The following PDE7B variants were observed in gnomAD, a reference collection of about 807,000 sequenced individuals.
PDE7B encodes the protein 3',5'-cyclic-AMP phosphodiesterase 7B.
A neutral mutation model predicts 56.2 loss-of-function variants in PDE7B; 29 were observed. The observed-to-expected ratio is 0.52, with a 90% CI of 0.38 to 0.70. The LOEUF is 0.70. Ranked by LOEUF, PDE7B falls within the 30% of genes least tolerant of loss-of-function variation. The pLI, the probability that PDE7B is intolerant of heterozygous loss-of-function variation, is 0.00. For missense variants in PDE7B, 490 were observed against 565.0 expected, an observed-to-expected ratio of 0.87 and a Z score of 1.35; for synonymous variants, 197 against 196.9, an observed-to-expected ratio of 1.00 and a Z score of 0.00.
At chr6:136,094,340 CCCTCACACTCCTGCA>C (rs1244946335) in intron 2 of PDE7B, 1 of 152,664 alleles carries the variant, frequency 6.6e-6, no homozygotes, top group Non-Finnish European at 1.5e-5. Flanking sequence ...TGCCCTCATC[CCCTCACACTCCTGCA>C]CCTCACTCTC....
chr6:135,874,319 CTG>C (rs1373565203), intron 1 of PDE7B, among the ~76,000 whole-genome samples: 4 of 152,138 alleles, frequency 2.6e-5, no homozygotes, highest in Non-Finnish European at 5.9e-5. Flanking sequence ...GTGGCTTACT[CTG>C]TTGCTGAGTT....
chr6:135,931,807 T>A (rs1484183086), intron 1 of PDE7B, among the ~76,000 whole-genome samples: 1 of 152,186 alleles, frequency 6.6e-6, no homozygotes, highest in African/African-American at 2.4e-5. Flanking sequence ...TGTGTGTACA[T>A]GTGTATGGGG....
At chr6:135,994,469 A>C (rs1345361041) in intron 2 of PDE7B, among the ~76,000 whole-genome samples, 3 of 152,188 alleles carry the variant, frequency 2.0e-5, no homozygotes, top group African/African-American at 7.2e-5. Flanking sequence ...GGAAATATTT[A>C]ATTATTAATT....
rs1416517570 is a variant in PDE7B at position 135,928,497 on chromosome 6, A to T, written c.22-18967A>T. Among the ~76,000 whole-genome samples, 175 of 103,754 alleles carry T rather than the reference A, an allele frequency of 1.7e-3. 4 individuals are homozygous for T. The highest frequency in any genetic ancestry group is 6.6e-3 in the African/African-American group (162 of 24,682). The allele number at this position is 103,754 out of a possible 152,430, so 68.1% of individuals were successfully genotyped here. A position where few individuals can be genotyped will look rare whatever the true frequency, so the allele number is the denominator to read the frequency against. Reference sequence around the variant, plus strand: ...TATATATATATTTATTTATATATATATATTTATATATATATATTTATTTAT... The same window carrying T: ...TATATATATATTTATTTATATATATTTATTTATATATATATATTTATTTAT... On this transcript the variant is annotated intron_variant, in intron 1 of 12. Coordinates refer to ENST00000308191, the MANE Select transcript of PDE7B (RefSeq NM_018945.4).
At chr6:135,905,653 G>A (rs185493932) in intron 1 of PDE7B, among the ~76,000 whole-genome samples, 1 of 152,164 alleles carries the variant, frequency 6.6e-6, no homozygotes, top group African/African-American at 2.4e-5. Context: ...TGGAAGCCTA[G>A]TACCTGAATG....
At chr6:135,879,572 A>T (rs1583731563) in intron 1 of PDE7B, among the ~76,000 whole-genome samples, 1 of 152,264 alleles carries the variant, frequency 6.6e-6, no homozygotes, top group Non-Finnish European at 1.5e-5. Flanking sequence ...ATATTTAACC[A>T]ATACTCGTCT....
chr6:135,903,618 T>C (rs2128192268), intron 1 of PDE7B, among the ~76,000 whole-genome samples: 1 of 152,304 alleles, frequency 6.6e-6, no homozygotes, highest in South Asian at 2.1e-4. Context: ...AAGGACTGCC[T>C]TCAAGTTCAG....
chr6:136,053,745 G>A (rs1197978499), intron 2 of PDE7B, among the ~76,000 whole-genome samples: 1 of 152,026 alleles, frequency 6.6e-6, no homozygotes, highest in African/African-American at 2.4e-5. Flanking sequence ...TTTAATGATT[G>A]CCATTCTAAC....
chr6:135,975,175 C>T (rs946622968), intron 2 of PDE7B, among the ~76,000 whole-genome samples: 3 of 150,156 alleles, frequency 2.0e-5, no homozygotes, highest in Non-Finnish European at 4.4e-5. Flanking sequence ...TCAAGAAAAC[C>T]TGGAAATTCA....
At chr6:136,167,664 A>G (rs1242213059) in intron 8 of PDE7B, among the ~76,000 whole-genome samples, 1 of 152,156 alleles carries the variant, frequency 6.6e-6, no homozygotes. Context: ...TACCACCACT[A>G]GTTTCTTGTC....
At chr6:135,905,335 CGTGTGTGTGTGTATGTGTGTGT>C (rs1232969021) in intron 1 of PDE7B, among the ~76,000 whole-genome samples, 2 of 122,448 alleles carry the variant, frequency 1.6e-5, no homozygotes, top group African/African-American at 7.0e-5. Flanking sequence ...TACATACATG[CGTGTGTGTGTGTATGTGTGTGT>C]GTGTGTGTGT....
At chr6:136,131,107 A>C (rs181260701) in intron 3 of PDE7B, among the ~76,000 whole-genome samples, 1 of 152,288 alleles carries the variant, frequency 6.6e-6, no homozygotes, top group Non-Finnish European at 1.5e-5. Context: ...TGTTCAATGG[A>C]TATTTATTGG....
At chr6:135,879,019 T>C (rs1042031159) in intron 1 of PDE7B, among the ~76,000 whole-genome samples, 2 of 152,134 alleles carry the variant, frequency 1.3e-5, no homozygotes, top group African/African-American at 4.8e-5. Context: ...TTATTGTGAC[T>C]TTTTACCCAT....
intron 2 of PDE7B, among the ~76,000 whole-genome samples, chr6:136,025,072 C>CA (rs1229553230): frequency 6.6e-6 from 1 of 152,042 alleles, no homozygotes; most frequent in East Asian, 1.9e-4. Context: ...TGGTTTAGGT[C>CA]AAAAAAGAGT....
At chr6:135,961,219 A>G (rs986680043) in intron 2 of PDE7B, among the ~76,000 whole-genome samples, 4 of 151,774 alleles carry the variant, frequency 2.6e-5, no homozygotes, top group African/African-American at 9.7e-5. Context: ...ATCTACCTAT[A>G]ATTGCAAATT....
chr6:135,997,711 T>C (rs1047192820), intron 2 of PDE7B, among the ~76,000 whole-genome samples: 1 of 152,092 alleles, frequency 6.6e-6, no homozygotes, highest in Non-Finnish European at 1.5e-5. Flanking sequence ...TTGCAAAAAG[T>C]TTTTAAGAAA....
At chr6:136,059,928 A>G (rs1440584137) in intron 2 of PDE7B, among the ~76,000 whole-genome samples, 1 of 152,188 alleles carries the variant, frequency 6.6e-6, no homozygotes, top group African/African-American at 2.4e-5. Flanking sequence ...AACTCTGCCA[A>G]GCTTGGAGAG....
rs77315688 is a variant in PDE7B at position 136,193,843 on chromosome 6, T to A, written c.*2003T>A. 2.8e-3 allele frequency: 421 copies of A among 152,306 alleles called. 2 individuals are homozygous for A. Among genetic ancestry groups the A allele is most frequent in the African/African-American group, 9.0e-3 (375 of 41,566 alleles). The allele number at this position is 152,306 out of a possible 1,614,324, so 9.4% of individuals were successfully genotyped here. ...GGAAATTTTGGAAAGTTGGTTGTAT[T>A]TTCATTGAAGTAGGAGAGATTATCA... On this transcript the variant is annotated 3_prime_UTR_variant, in exon 13 of 13. Coordinates refer to ENST00000308191, the MANE Select transcript of PDE7B (RefSeq NM_018945.4).
intron 3 of PDE7B, among the ~76,000 whole-genome samples, chr6:136,123,797 G>A (rs760087447): frequency 6.6e-6 from 1 of 152,182 alleles, no homozygotes. Flanking sequence ...CTTTCTTATT[G>A]TTGCAATTTC....
Sources: allele counts gnomAD v4.1 joint callset (sites outside exome capture counted in the v4.1 genomes callset), GRCh38; gene constraint gnomAD v4.1.1; transcripts MANE v1.5; gene names NCBI Gene and HGNC (gene_info 2026-07-23, HGNC 2026-07-21).